CYP3A7: variants seen among roughly 807,000 people sequenced by gnomAD.
CYP3A7 encodes cytochrome P450 family 3 subfamily A member 7, also known as cytochrome P450 3A7.
A neutral mutation model predicts 55.2 loss-of-function variants in CYP3A7; 45 were observed. The ratio of observed to expected loss-of-function variants is 0.82; its 90% CI spans 0.64 to 1.05. CYP3A7 has a LOEUF of 1.05. CYP3A7 is among the 50% of genes least tolerant of loss of function. The pLI is 0.00. For synonymous variants in CYP3A7, 180 were observed against 207.4 expected, an observed-to-expected ratio of 0.87 and a Z score of 1.13; for missense variants, 548 against 605.3, an observed-to-expected ratio of 0.91 and a Z score of 0.99.
At chr7:99,723,589 A>G (rs887691076) in intron 2 of CYP3A7, among the ~76,000 whole-genome samples, 3 of 152,090 alleles carry the variant, frequency 2.0e-5, no homozygotes, top group African/African-American at 7.2e-5. Flanking sequence ...GGTGCCAAAG[A>G]CCTGGGACAG....
chr7:99,719,365 T>G (rs962471950), intron 4 of CYP3A7, among the ~76,000 whole-genome samples: 5 of 152,166 alleles, frequency 3.3e-5, no homozygotes, highest in African/African-American at 1.2e-4. Context: ...CCAATTAATT[T>G]TTAACAATAT....
chr7:99,730,231 A>G (rs1814562539), intron 2 of CYP3A7, among the ~76,000 whole-genome samples: 1 of 152,348 alleles, frequency 6.6e-6, no homozygotes, highest in African/African-American at 2.4e-5. Flanking sequence ...GTGAAATTAA[A>G]TATTCAATAA....
chr7:99,723,701 A>T (rs1000189515), intron 2 of CYP3A7, among the ~76,000 whole-genome samples: 2 of 152,122 alleles, frequency 1.3e-5, no homozygotes, highest in African/African-American at 4.8e-5. Context: ...CATCTCACCA[A>T]TTTTAAATCG....
At chr7:99,714,403 T>A in intron 8 of CYP3A7, 152 bp downstream of exon 8, 1 of 1,307,070 alleles carries the variant, frequency 7.7e-7, no homozygotes, top group Non-Finnish European at 1.0e-6. Context: ...CTTTCTGCAT[T>A]CCTACCAAAT....
At chr7:99,733,298 G>A (rs1467728237) in intron 1 of CYP3A7, among the ~76,000 whole-genome samples, 9 of 152,186 alleles carry the variant, frequency 5.9e-5, no homozygotes, top group Non-Finnish European at 1.3e-4. Flanking sequence ...ATTGGCCCCC[G>A]AGGAAAGATC....
chr7:99,725,663 C>A (rs1814384741), intron 2 of CYP3A7, among the ~76,000 whole-genome samples: 1 of 152,208 alleles, frequency 6.6e-6, no homozygotes, highest in East Asian at 1.9e-4. Flanking sequence ...CGCCACTGCT[C>A]CTAAAGTTCC....
chr7:99,707,240 G>A (rs974806669), intron 12 of CYP3A7, among the ~76,000 whole-genome samples: 5 of 152,162 alleles, frequency 3.3e-5, no homozygotes, highest in South Asian at 4.1e-4. Flanking sequence ...GTAGTCCTTC[G>A]TATCCAATAG....
At position 99,714,688 on chromosome 7, in the gene CYP3A7, G is replaced by T. The variant is rs771851468; in HGVS notation, c.671-6C>A. The T allele has an allele frequency of 2.0e-5, 28 of 1,429,470 alleles. No individual in the cohort carries two copies. Among genetic ancestry groups the T allele is most frequent in the East Asian group, 5.3e-5 (2 of 37,892 alleles). The allele number at this position is 1,429,470 out of a possible 1,614,324, so 88.5% of individuals were successfully genotyped here. ...GGTAAGGAATGGAAAGACTTCTGTA[G>T]AAAAAAAAAACCAACAGAAAACGAA... On this transcript the variant is annotated splice_region_variant and splice_polypyrimidine_tract_variant and intron_variant, in intron 7 of 12. Transcript: ENST00000336374.
chr7:99,716,173 C>T (rs1228252576), intron 6 of CYP3A7, among the ~76,000 whole-genome samples: 1 of 152,162 alleles, frequency 6.6e-6, no homozygotes, highest in Non-Finnish European at 1.5e-5. Context: ...CATAGAAAGA[C>T]AGAGATCCAC....
intron 6 of CYP3A7, among the ~76,000 whole-genome samples, chr7:99,716,341 T>C (rs1464644269): frequency 6.6e-6 from 1 of 152,192 alleles, no homozygotes; most frequent in Non-Finnish European, 1.5e-5. Flanking sequence ...AGCCGATTCC[T>C]CTTCAGCACT....
chr7:99,720,620 G>T (rs1245169386), intron 3 of CYP3A7: 2 of 527,840 alleles, frequency 3.8e-6, no homozygotes, highest in African/African-American at 3.8e-5. Context: ...GAAGGGTAAT[G>T]TGGGCCAAAC....
At chr7:99,734,480 C>A (rs2151540825) in intron 1 of CYP3A7, among the ~76,000 whole-genome samples, 1 of 152,278 alleles carries the variant, frequency 6.6e-6, no homozygotes, top group East Asian at 1.9e-4. Flanking sequence ...TGTCCCTAAA[C>A]CCTTCTTTCC....
intron 8 of CYP3A7, among the ~76,000 whole-genome samples, chr7:99,713,813 T>A (rs1584509812): frequency 1.3e-5 from 2 of 152,220 alleles, no homozygotes; most frequent in Non-Finnish European, 2.9e-5. Context: ...GGGCCTTTTA[T>A]TCTTCTGTCT....
rs1177242838 is a variant in CYP3A7 at position 99,710,816 on chromosome 7, G to A, written c.942C>T (p.Leu314=). ...FAGYETTSSV[L]SFIIYELATH... ...TGGCCAGTTCATATATAATGAAGGA[G>A]AGAACACTGCTCGTGGTTTCATAGC... Residue 314 remains leucine, a synonymous_variant, in exon 10 of 13, where the codon CTC becomes CTT. Transcript: ENST00000336374. 2 of 1,613,778 alleles carry A rather than the reference G, an allele frequency of 1.2e-6. No homozygotes were observed. The highest frequency in any genetic ancestry group is 2.7e-5 in the African/African-American group (2 of 74,898).
intron 11 of CYP3A7, 116 bp downstream of exon 11, chr7:99,708,919 T>G: frequency 8.0e-7 from 1 of 1,253,478 alleles, no homozygotes; most frequent in Non-Finnish European, 1.1e-6. Flanking sequence ...GAAAAAACCT[T>G]TTAAACATAA....
chr7:99,726,016 G>C (rs532156814), intron 2 of CYP3A7, among the ~76,000 whole-genome samples: 3 of 152,266 alleles, frequency 2.0e-5, no homozygotes, highest in South Asian at 2.1e-4. Flanking sequence ...CCACCTGCCA[G>C]TTCCCTTATT....
At chr7:99,705,662 A>G in intron 12 of CYP3A7, 67 bp from the exon 13 acceptor site, 1 of 1,580,598 alleles carries the variant, frequency 6.3e-7, no homozygotes, top group Non-Finnish European at 8.7e-7. Flanking sequence ...ATAGCATCAA[A>G]GTAAAAAAAA....
At chr7:99,705,624 A>G (rs1298913559) in intron 12 of CYP3A7, 29 bp from the exon 13 acceptor site, 1 of 1,610,674 alleles carries the variant, frequency 6.2e-7, no homozygotes, top group African/African-American at 1.3e-5. Context: ...CATATTGAGA[A>G]GCATTAAATA....
intron 2 of CYP3A7, among the ~76,000 whole-genome samples, chr7:99,728,989 T>C (rs564003601): frequency 6.6e-6 from 1 of 152,316 alleles, no homozygotes; most frequent in East Asian, 1.9e-4. Context: ...TCTATATTTT[T>C]AAATGAAGAA....
Sources: allele counts gnomAD v4.1 joint callset (sites outside exome capture counted in the v4.1 genomes callset), GRCh38; gene constraint gnomAD v4.1.1; transcripts MANE v1.5; gene names NCBI Gene and HGNC (gene_info 2026-07-23, HGNC 2026-07-21).